The following SRPRB variants were observed in gnomAD, a reference collection of about 807,000 sequenced individuals.
SRPRB encodes the protein signal recognition particle receptor subunit beta.
A neutral mutation model predicts 31.9 loss-of-function variants in SRPRB; 20 were observed. That is an observed-to-expected ratio of 0.63 (90% CI 0.44 to 0.91). The LOEUF (loss-of-function observed/expected upper bound fraction) is 0.91. SRPRB is among the 40% of genes least tolerant of loss of function. The pLI is 0.00. For synonymous variants in SRPRB, 146 were observed against 132.8 expected, an observed-to-expected ratio of 1.10 and a Z score of -0.68; for missense variants, 321 against 324.9, an observed-to-expected ratio of 0.99 and a Z score of 0.09.
At chr3:133,827,027 G>A (rs1446548994), downstream of SRPRB, 2 of 152,674 alleles carry the variant, frequency 1.3e-5, no homozygotes, top group African/African-American at 2.4e-5. Flanking sequence ...GAGGTGCTCA[G>A]TGGGATCCTG....
At chr3:133,798,133 G>A (rs1160605267) in intron 1 of SRPRB, among the ~76,000 whole-genome samples, 3 of 152,192 alleles carry the variant, frequency 2.0e-5, no homozygotes. Context: ...TAGCGAATTA[G>A]CCAATTTGTA....
At chr3:133,793,097 A>G (rs1934880760) in intron 1 of SRPRB, 1 of 152,180 alleles carries the variant, frequency 6.6e-6, no homozygotes, top group Non-Finnish European at 1.5e-5. Flanking sequence ...TCTCTCTTGA[A>G]CAAGATTTTC....
intron 3 of SRPRB, chr3:133,810,181 A>G (rs1935233716): frequency 6.6e-6 from 1 of 152,208 alleles, no homozygotes; most frequent in South Asian, 2.1e-4. Context: ...AGAGGGACTA[A>G]TAAAAAACAT....
chr3:133,815,027 C>T lies in SRPRB; in HGVS notation c.411-563C>T, dbSNP rs184679515. Among the ~76,000 whole-genome samples, 219 of 152,316 alleles carry T rather than the reference C, an allele frequency of 1.4e-3. 4 individuals carry two copies. Among genetic ancestry groups the T allele is most frequent in the African/African-American group, 5.1e-3 (212 of 41,578 alleles). ...CTCCCTGTGTACCAGCTTACCTTGACTTCCCCAGGGAATGTGTTTCACGTA... is the reference window on the plus strand; with the variant it reads ...CTCCCTGTGTACCAGCTTACCTTGATTTCCCCAGGGAATGTGTTTCACGTA... On this transcript the variant is annotated intron_variant, in intron 4 of 6. Coordinates refer to ENST00000678299, the MANE Select transcript of SRPRB (RefSeq NM_001379313.1).
intron 3 of SRPRB, 93 bp downstream of exon 3, chr3:133,807,916 G>GT (rs1309509074): frequency 1.2e-6 from 1 of 865,104 alleles, no homozygotes; most frequent in East Asian, 2.5e-5. Context: ...ATCTGAGGAT[G>GT]TAAGTACCAT....
chr3:133,804,028 G>A (rs1287260371), upstream of SRPRB, among the ~76,000 whole-genome samples: 16 of 146,272 alleles, frequency 1.1e-4, no homozygotes, highest in Admixed American at 3.4e-4. Flanking sequence ...CCCGGGAGGC[G>A]GAGCTTGCAG....
chr3:133,811,088 A>G, intron 3 of SRPRB, 29 bp from the exon 4 acceptor site: 1 of 1,610,918 alleles, frequency 6.2e-7, no homozygotes, highest in African/African-American at 1.3e-5. Context: ...ACTGTATTGA[A>G]ACGTTAATGT....
upstream of SRPRB, chr3:133,805,768 G>C: frequency 6.7e-7 from 1 of 1,494,950 alleles, no homozygotes; most frequent in Admixed American, 2.3e-5. Context: ...ACCACCATTC[G>C]CGTGAGGCTC....
rs1935187964 is a variant in SRPRB at position 133,807,721 on chromosome 3, ATC to A, written c.250-24_250-23del. On this transcript the variant is annotated intron_variant, in intron 2 of 6. Coordinates refer to ENST00000678299, the MANE Select transcript of SRPRB (RefSeq NM_001379313.1). ...TAGGTGTGCTATTAAAATGTTGAAT[ATC>A]ACCCATCTTGTTTTTTTTACAGTTG... 4 of 1,524,778 alleles carry A rather than the reference ATC, an allele frequency of 2.6e-6. No homozygotes were observed. The Admixed American group carries it at 6.8e-5, about 26-fold the overall frequency. The allele number at this position is 1,524,778 out of a possible 1,614,324, so 94.5% of individuals were successfully genotyped here. A position where few individuals can be genotyped will look rare whatever the true frequency, so the allele number is the denominator to read the frequency against.
chr3:133,800,331 A>G (rs1044236442), intron 1 of SRPRB, among the ~76,000 whole-genome samples: 27 of 152,208 alleles, frequency 1.8e-4, no homozygotes, highest in Non-Finnish European at 4.4e-5. Context: ...ACATTGTACA[A>G]TGTATGCTGT....
At chr3:133,799,360 G>A (rs753049573) in intron 1 of SRPRB, among the ~76,000 whole-genome samples, 1 of 152,134 alleles carries the variant, frequency 6.6e-6, no homozygotes, top group South Asian at 2.1e-4. Context: ...TACAGAGAGT[G>A]CAGTAGAGCT....
upstream of SRPRB, chr3:133,805,680 A>T: frequency 1.4e-6 from 1 of 730,280 alleles, no homozygotes; most frequent in Admixed American, 3.7e-5. Flanking sequence ...CTGTAGGAGG[A>T]CGGAGTCCCA....
At chr3:133,794,872 G>A (rs1185439963) in intron 1 of SRPRB, 1 of 152,204 alleles carries the variant, frequency 6.6e-6, no homozygotes, top group African/African-American at 2.4e-5. Flanking sequence ...AAGAATAGAA[G>A]TGGAAAAAGG....
Position 133,819,698 on chromosome 3 carries a change from G to A in SRPRB, c.748G>A (p.Gly250Ser). 7.4e-6 allele frequency: 12 copies of A among 1,614,158 alleles called. No individual in the cohort carries two copies. The highest frequency in any genetic ancestry group is 8.5e-6 in the Non-Finnish European group (10 of 1,180,034). ...KVEFLECSAK[G>S]GRGDVGSADI... Reference sequence around the variant, plus strand: ...GGAGTTCCTGGAGTGCAGTGCCAAGGGTGGAAGAGGGGACGTGGGCTCTGC... The same window carrying A: ...GGAGTTCCTGGAGTGCAGTGCCAAGAGTGGAAGAGGGGACGTGGGCTCTGC... The change falls in exon 7 of 7, where the codon GGT becomes AGT. Residue 250 changes from glycine to serine, a missense_variant. By Grantham distance (56) the Gly-to-Ser change is moderately conservative. Coordinates refer to ENST00000678299, the MANE Select transcript of SRPRB (RefSeq NM_001379313.1).
chr3:133,819,667 C>T lies in SRPRB; in HGVS notation c.717C>T (p.Leu239=). 6.2e-7 allele frequency: 1 copy of T among 1,614,178 alleles called. No individual in the cohort carries two copies. Among genetic ancestry groups the T allele is most frequent in the Non-Finnish European group, 8.5e-7 (1 of 1,180,038 alleles). The change falls in exon 7 of 7, where the codon CTC becomes CTT. Residue 239 remains leucine (L), a synonymous_variant. Transcript: ENST00000678299. ...AGTTTGAATTCTCACAGTTGCCCCT[C>T]AAAGTGGAGTTCCTGGAGTGCAGTG... The part of the protein sequence containing the change: ...GKEFEFSQLP[L]KVEFLECSAK...
chr3:133,801,818 A>G (rs1400309835), upstream of SRPRB, among the ~76,000 whole-genome samples: 3 of 152,234 alleles, frequency 2.0e-5, no homozygotes, highest in Non-Finnish European at 4.4e-5. Flanking sequence ...GCCAGTTCTG[A>G]TATTTTTGAA....
chr3:133,805,896 G>A lies in SRPRB; in HGVS notation c.48G>A (p.Gly16=). 1 of 1,613,670 alleles carries A rather than the reference G, an allele frequency of 6.2e-7. No individual in the cohort carries two copies. Among genetic ancestry groups the A allele is most frequent in the Non-Finnish European group, 8.5e-7 (1 of 1,179,722 alleles). The part of the protein sequence containing the change: ...SRRVADGGGA[G]GTFQPYLDTL... ...GGGTGGCAGATGGCGGCGGTGCCGG[G>A]GGCACCTTCCAGCCCTACCTAGACA... The change falls in exon 1 of 7, where the codon GGG becomes GGA. Residue 16 remains glycine, a synonymous_variant. Coordinates refer to ENST00000678299, the MANE Select transcript of SRPRB (RefSeq NM_001379313.1).
In SRPRB at chr3:133,811,112, C is replaced by G. The variant is rs1465262986; in HGVS notation, c.328-5C>G. ...AAACGTTAATGTTATTGCTGCCATC[C>G]CCAGGGCAATAGTCTGACCTTGATT... is the stretch of plus-strand genomic sequence containing the variant. On this transcript the variant is annotated splice_polypyrimidine_tract_variant and splice_region_variant and intron_variant, in intron 3 of 6. Coordinates refer to ENST00000678299, the MANE Select transcript of SRPRB (RefSeq NM_001379313.1). 6.2e-7 allele frequency: 1 copy of G among 1,613,836 alleles called. No homozygotes were observed. The highest frequency in any genetic ancestry group is 1.7e-5 in the Admixed American group (1 of 59,992).
intron 5 of SRPRB, 60 bp downstream of exon 5, chr3:133,815,786 A>C (rs1935355741): frequency 5.8e-6 from 9 of 1,560,188 alleles, no homozygotes; most frequent in Non-Finnish European, 7.9e-6. Context: ...GCTACTAAGA[A>C]TTATTTCCAT....
Sources: allele counts gnomAD v4.1 joint callset (sites outside exome capture counted in the v4.1 genomes callset), GRCh38; gene constraint gnomAD v4.1.1; transcripts MANE v1.5; gene names NCBI Gene and HGNC (gene_info 2026-07-23, HGNC 2026-07-21).